The following SCAMP1 variants were observed in gnomAD, a reference collection of about 807,000 sequenced individuals.
SCAMP1 encodes secretory carrier-associated membrane protein 1.
A neutral mutation model predicts 41.8 loss-of-function variants in SCAMP1; 15 were observed. That is an observed-to-expected ratio of 0.36 (90% CI 0.24 to 0.55). SCAMP1 has a LOEUF of 0.55. Ranked by LOEUF, SCAMP1 falls within the 20% of genes least tolerant of loss-of-function variation. The pLI is 0.86. For missense variants in SCAMP1, 341 were observed against 412.6 expected (o/e 0.83, Z 1.50); for synonymous variants, 135 against 136.8 (o/e 0.99, Z 0.09).
At chr5:78,364,812 C>T in intron 1 of SCAMP1, among the ~76,000 whole-genome samples, 1 of 142,522 alleles carries the variant, frequency 7.0e-6, no homozygotes. Context: ...CGTGTTCTCA[C>T]TCATAGGTGG....
rs149366422 is a variant in SCAMP1 at position 78,374,154 on chromosome 5, G to A, written c.57+13426G>A. On this transcript the variant is annotated intron_variant, in intron 1 of 8. Coordinates refer to ENST00000621999, the MANE Select transcript of SCAMP1 (RefSeq NM_004866.6). Reference sequence around the variant, plus strand: ...TGTCAAATAATCCACACTTTAGTTGGGAGATATAATGTGTGATAAATGCTT... The same window carrying A: ...TGTCAAATAATCCACACTTTAGTTGAGAGATATAATGTGTGATAAATGCTT... Among the ~76,000 whole-genome samples, 77 of 152,176 alleles carry A rather than the reference G, an allele frequency of 5.1e-4. 1 individual carries two copies. In the East Asian group the frequency reaches 0.014, roughly 27 times the overall value.
intron 6 of SCAMP1, among the ~76,000 whole-genome samples, chr5:78,441,894 C>T (rs1436823925): frequency 1.3e-5 from 2 of 152,132 alleles, no homozygotes; most frequent in East Asian, 3.8e-4. Flanking sequence ...TTTTGGGAGG[C>T]CAAGAGGAGA....
chr5:78,369,095 G>A (rs1325090403), intron 1 of SCAMP1, among the ~76,000 whole-genome samples: 2 of 151,550 alleles, frequency 1.3e-5, no homozygotes, highest in Non-Finnish European at 2.9e-5. Context: ...TGGTGGAATA[G>A]TCAGGACACA....
chr5:78,390,128 A>G (rs1751449201), intron 2 of SCAMP1, among the ~76,000 whole-genome samples: 1 of 152,158 alleles, frequency 6.6e-6, no homozygotes, highest in African/African-American at 2.4e-5. Context: ...CCAGGTAGGT[A>G]GTATCAGAAT....
intron 2 of SCAMP1, among the ~76,000 whole-genome samples, chr5:78,400,851 C>T (rs1751780931): frequency 1.3e-5 from 2 of 152,022 alleles, no homozygotes; most frequent in Admixed American, 1.3e-4. Context: ...GGTCTTATTA[C>T]ATTAGTTAGG....
intron 7 of SCAMP1, among the ~76,000 whole-genome samples, chr5:78,453,814 A>G (rs1339322336): frequency 1.3e-5 from 2 of 151,692 alleles, no homozygotes; most frequent in South Asian, 2.1e-4. Context: ...CTTCCTACCC[A>G]TGAGCATGGA....
chr5:78,360,668 A>G lies in SCAMP1; in HGVS notation c.-4A>G, dbSNP rs1355930406. On this transcript the variant is annotated 5_prime_UTR_variant, in exon 1 of 9. Transcript: ENST00000621999. ...TCGGGTGGGTGACGCCGAGAGCCAG[A>G]GAGATGTCGGATTTCGACAGTAACC... is the stretch of plus-strand genomic sequence containing the variant. 1.2e-6 allele frequency: 2 copies of G among 1,608,886 alleles called. No individual in the cohort carries two copies. The highest frequency in any genetic ancestry group is 1.7e-6 in the Non-Finnish European group (2 of 1,177,902).
intron 8 of SCAMP1, among the ~76,000 whole-genome samples, chr5:78,471,237 A>G (rs1753876260): frequency 6.6e-6 from 1 of 152,198 alleles, no homozygotes; most frequent in African/African-American, 2.4e-5. Context: ...AGCCATAGCT[A>G]GTTCAGGCAC....
At chr5:78,378,762 T>C (rs982542129) in intron 1 of SCAMP1, among the ~76,000 whole-genome samples, 11 of 152,218 alleles carry the variant, frequency 7.2e-5, no homozygotes, top group African/African-American at 2.4e-4. Context: ...AATTAAACTC[T>C]GAAGAATATC....
intron 1 of SCAMP1, among the ~76,000 whole-genome samples, chr5:78,363,160 G>A (rs1750703022): frequency 6.6e-6 from 1 of 151,534 alleles, no homozygotes; most frequent in Non-Finnish European, 1.5e-5. Flanking sequence ...CCAAAGTGCT[G>A]GGATTACGGG....
rs1561278509 is a variant in SCAMP1, at chr5:78,442,775, AT to A, written c.633-7157del. On this transcript the variant is annotated intron_variant, in intron 6 of 8. Coordinates refer to ENST00000621999, the MANE Select transcript of SCAMP1 (RefSeq NM_004866.6). ...GAGATTTTAGTTGTTATATTCTCCT[AT>A]ATATAAGAAACACTGCATTGAGCAT... 2.0e-5 allele frequency among the ~76,000 whole-genome samples: 3 copies of A among 152,222 alleles called. No homozygotes were observed. In the East Asian group the frequency reaches 5.8e-4, roughly 29 times the overall value.
At chr5:78,372,357 AT>A (rs1282295650) in intron 1 of SCAMP1, among the ~76,000 whole-genome samples, 1 of 152,152 alleles carries the variant, frequency 6.6e-6, no homozygotes, top group Non-Finnish European at 1.5e-5. Context: ...TTATAAACAA[AT>A]TCTAAATGGT....
intron 1 of SCAMP1, among the ~76,000 whole-genome samples, chr5:78,388,548 A>T (rs549628909): frequency 2.0e-5 from 3 of 152,346 alleles, no homozygotes; most frequent in African/African-American, 7.2e-5. Flanking sequence ...TTGTGTAGTC[A>T]GTTCCACACA....
At chr5:78,455,162 G>T (rs965658392) in intron 7 of SCAMP1, among the ~76,000 whole-genome samples, 3 of 150,320 alleles carry the variant, frequency 2.0e-5, no homozygotes, top group Admixed American at 1.3e-4. Context: ...TTTTTGAAGG[G>T]TTTTTTGTGT....
chr5:78,387,554 T>C (rs1256858514), intron 1 of SCAMP1, among the ~76,000 whole-genome samples: 1 of 152,068 alleles, frequency 6.6e-6, no homozygotes, highest in Non-Finnish European at 1.5e-5. Flanking sequence ...TTACTGGAAT[T>C]GTTTTTTTTG....
rs73132307 is a variant in SCAMP1, at chr5:78,400,871, A to T, written c.135+11957A>T. On this transcript the variant is annotated intron_variant, in intron 2 of 8. Coordinates refer to ENST00000621999, the MANE Select transcript of SCAMP1 (RefSeq NM_004866.6). The stretch of plus-strand genomic sequence containing the variant: ...TATTACATTAGTTAGGACTTCTAGT[A>T]CAATGTTGAAAAGGAGTGGTGAGAG... Among the ~76,000 whole-genome samples the T allele has an allele frequency of 7.8e-3, 1,186 of 152,214 alleles. 17 individuals carry two copies. Among genetic ancestry groups the T allele is most frequent in the African/African-American group, 0.027 (1,130 of 41,530 alleles).
At chr5:78,440,671 G>C (rs1229333036) in intron 6 of SCAMP1, among the ~76,000 whole-genome samples, 1 of 152,164 alleles carries the variant, frequency 6.6e-6, no homozygotes, top group African/African-American at 2.4e-5. Flanking sequence ...CCCACTTGAG[G>C]AGGCAGTCCG....
chr5:78,384,932 C>T (rs1383456997), intron 1 of SCAMP1, among the ~76,000 whole-genome samples: 1 of 151,958 alleles, frequency 6.6e-6, no homozygotes, highest in Non-Finnish European at 1.5e-5. Flanking sequence ...TATGTCCTTT[C>T]CTGGTTTTGG....
chr5:78,430,382 G>A (rs922817571), intron 6 of SCAMP1, among the ~76,000 whole-genome samples: 71 of 145,158 alleles, frequency 4.9e-4, no homozygotes, highest in African/African-American at 1.7e-3. Flanking sequence ...GCCTTATTTT[G>A]ATCTGTTGCT....
Sources: allele counts gnomAD v4.1 joint callset (sites outside exome capture counted in the v4.1 genomes callset), GRCh38; gene constraint gnomAD v4.1.1; transcripts MANE v1.5; gene names NCBI Gene and HGNC (gene_info 2026-07-23, HGNC 2026-07-21).